PHACTR1: variants seen among roughly 807,000 people sequenced by gnomAD.
PHACTR1 encodes RPEL repeat containing 1.
PHACTR1 carries 16 observed loss-of-function variants against 69.2 expected under a neutral mutation model. That is an observed-to-expected ratio of 0.23 (90% confidence interval 0.16 to 0.35). PHACTR1 has a LOEUF of 0.35. Among genes scored for constraint, PHACTR1 ranks in the 10% least tolerant of loss-of-function variants. The pLI is 1.00. For synonymous variants in PHACTR1, 312 were observed against 284.5 expected (o/e 1.10, Z -0.97); for missense variants, 510 against 734.7 (o/e 0.69, Z 3.54).
At chr6:13,112,195 A>G (rs974490939) in intron 5 of PHACTR1, among the ~76,000 whole-genome samples, 55 of 152,220 alleles carry the variant, frequency 3.6e-4, no homozygotes, top group Admixed American at 6.5e-5. Flanking sequence ...ATGTTCCTGC[A>G]AAAGACATGA....
chr6:12,777,628 T>C (rs971867544), intron 4 of PHACTR1, among the ~76,000 whole-genome samples: 1 of 39,650 alleles, frequency 2.5e-5, no homozygotes, highest in Non-Finnish European at 5.6e-5. Context: ...TCTTCTTCTT[T>C]TTTTTTTTTT....
intron 4 of PHACTR1, among the ~76,000 whole-genome samples, chr6:12,840,728 T>C (rs1490493019): frequency 6.6e-6 from 1 of 152,198 alleles, no homozygotes; most frequent in African/African-American, 2.4e-5. Context: ...AAAAGGAAAG[T>C]ACATAGGTCT....
At position 13,206,142 on chromosome 6, in the gene PHACTR1, G is replaced by C; in HGVS notation, c.986+6G>C. ...ACCATGCAGAGGCTGGAAAGGTAAA[G>C]GTGGGCACCAGGAGGGAGGACGGGA... On this transcript the variant is annotated splice_donor_region_variant and intron_variant, in intron 8 of 14. Coordinates refer to ENST00000332995, the MANE Select transcript of PHACTR1 (RefSeq NM_030948.6). The C allele has an allele frequency of 6.4e-7, 1 of 1,572,318 alleles. No homozygotes were observed. Among genetic ancestry groups the C allele is most frequent in the East Asian group, 2.3e-5 (1 of 42,954 alleles).
rs898174336 is a variant in PHACTR1 at position 13,210,917 on chromosome 6, T to C, written c.986+4781T>C. On this transcript the variant is annotated intron_variant, in intron 8 of 14. Transcript: ENST00000332995. ...AGATGATGGTTTATCATTTCTTTTT[T>C]TTTTTTTTTTTTTTTTGCATTGAGA... Among the ~76,000 whole-genome samples, 567 of 140,882 alleles carry C rather than the reference T, an allele frequency of 4.0e-3. 1 individual carries two copies. The highest frequency in any genetic ancestry group is 7.0e-3 in the Non-Finnish European group (461 of 66,218). The allele number at this position is 140,882 out of a possible 152,430, so 92.4% of individuals were successfully genotyped here.
At chr6:13,167,788 AT>A (rs2113610547) in intron 6 of PHACTR1, among the ~76,000 whole-genome samples, 1 of 152,314 alleles carries the variant, frequency 6.6e-6, no homozygotes, top group African/African-American at 2.4e-5. Context: ...GGAAGGTGTT[AT>A]TTTTAATTAT....
In PHACTR1 at chr6:13,152,002, A is replaced by C. The variant is rs192333041; in HGVS notation, c.416-8202A>C. 4.6e-5 allele frequency among the ~76,000 whole-genome samples: 7 copies of C among 152,230 alleles called. No individual in the cohort carries two copies. The South Asian group carries it at 6.2e-4, about 14-fold the overall frequency. On this transcript the variant is annotated intron_variant, in intron 5 of 14. Coordinates refer to ENST00000332995, the MANE Select transcript of PHACTR1 (RefSeq NM_030948.6). ...ATTCATCTAACCTAGGTATTCCACC[A>C]AGGAGAATGAGCCCATCCAAGATGC...
At chr6:13,229,886 C>T in intron 9 of PHACTR1, 151 bp from the exon 10 acceptor site, 1 of 889,200 alleles carries the variant, frequency 1.1e-6, no homozygotes, top group Non-Finnish European at 1.7e-6. Context: ...GTGGCAATGG[C>T]AGGAACTCTA....
At chr6:12,959,184 A>T (rs1201863776) in intron 4 of PHACTR1, among the ~76,000 whole-genome samples, 1 of 107,932 alleles carries the variant, frequency 9.3e-6, no homozygotes, top group Non-Finnish European at 1.7e-5. Context: ...CTCAAAAAAA[A>T]AAAAAAAAAA....
chr6:13,230,310 G>C (rs1416194747), intron 10 of PHACTR1, 117 bp downstream of exon 10: 1 of 1,520,036 alleles, frequency 6.6e-7, no homozygotes, highest in African/African-American at 1.4e-5. Context: ...CCAGCACTTT[G>C]GGAGGCCGAG....
chr6:12,729,699 T>A (rs1763245405), intron 3 of PHACTR1, among the ~76,000 whole-genome samples: 1 of 152,084 alleles, frequency 6.6e-6, no homozygotes, highest in Admixed American at 6.6e-5. Flanking sequence ...TTTATAGAGA[T>A]CATTAACATA....
chr6:13,220,696 A>G (rs534426192), intron 8 of PHACTR1, among the ~76,000 whole-genome samples: 8 of 152,342 alleles, frequency 5.3e-5, no homozygotes, highest in African/African-American at 1.9e-4. Flanking sequence ...CACTATTTCC[A>G]AAAATCCTAA....
chr6:13,067,323 C>T (rs1198305779), intron 5 of PHACTR1, among the ~76,000 whole-genome samples: 2 of 152,182 alleles, frequency 1.3e-5, no homozygotes, highest in Non-Finnish European at 2.9e-5. Flanking sequence ...TGAACTTAGC[C>T]TGCAGTCTTC....
chr6:12,958,000 A>T, intron 4 of PHACTR1: 1 of 985,430 alleles, frequency 1.0e-6, no homozygotes, highest in Non-Finnish European at 1.2e-6. Context: ...AGAGAGGCGG[A>T]TGCATGTGGG....
rs1561812019 is a variant in PHACTR1 at position 12,718,696 on chromosome 6, T to C, written c.-46-3T>C. ...ATTGTGGATTTTTTTTTCCTCTTTA[T>C]AGGTGTTCCAGTGTTTTCTCTCAAA... On this transcript the variant is annotated splice_polypyrimidine_tract_variant and splice_region_variant and intron_variant, in intron 2 of 14. Coordinates refer to ENST00000332995, the MANE Select transcript of PHACTR1 (RefSeq NM_030948.6). The C allele has an allele frequency of 3.0e-6, 3 of 997,830 alleles. No individual in the cohort carries two copies. The highest frequency in any genetic ancestry group is 5.3e-5 in the East Asian group (2 of 37,618). The allele number at this position is 997,830 out of a possible 1,614,324, so 61.8% of individuals were successfully genotyped here. A position where few individuals can be genotyped will look rare whatever the true frequency, so the allele number is the denominator to read the frequency against.
At chr6:12,875,657 G>A (rs903142652) in intron 4 of PHACTR1, among the ~76,000 whole-genome samples, 5 of 152,140 alleles carry the variant, frequency 3.3e-5, no homozygotes, top group South Asian at 2.1e-4. Context: ...ATTTTCTGCT[G>A]TAACATTTGG....
At chr6:13,024,091 A>AT (rs1801362437) in intron 4 of PHACTR1, among the ~76,000 whole-genome samples, 2 of 151,994 alleles carry the variant, frequency 1.3e-5, no homozygotes, top group Admixed American at 1.3e-4. Flanking sequence ...AAAAAAAAAA[A>AT]AACGGGAATA....
intron 4 of PHACTR1, among the ~76,000 whole-genome samples, chr6:12,890,044 G>A (rs530761764): frequency 2.0e-5 from 3 of 152,236 alleles, no homozygotes; most frequent in Non-Finnish European, 4.4e-5. Flanking sequence ...AGTGGGTGGG[G>A]CAGCAGGAGA....
chr6:13,215,685 A>T (rs1003307573), intron 8 of PHACTR1, among the ~76,000 whole-genome samples: 6 of 152,256 alleles, frequency 3.9e-5, no homozygotes, highest in Non-Finnish European at 8.8e-5. Context: ...TCATGTACTT[A>T]TGTAAAGAAA....
At chr6:12,843,227 G>T (rs1373783080) in intron 4 of PHACTR1, among the ~76,000 whole-genome samples, 2 of 152,198 alleles carry the variant, frequency 1.3e-5, no homozygotes, top group African/African-American at 2.4e-5. Flanking sequence ...AGTTATTTCT[G>T]TAGCTCCAAT....
Sources: gnomAD v4.1 joint callset for allele counts (sites outside exome capture counted in the v4.1 genomes callset) on GRCh38, gnomAD v4.1.1 for gene constraint, MANE v1.5 for transcripts, NCBI Gene and HGNC (gene_info 2026-07-23, HGNC 2026-07-21) for gene names.